MYH11: variants seen among roughly 807,000 people sequenced by gnomAD.
The protein encoded by MYH11 is myosin heavy chain 11.
A neutral mutation model predicts 246.6 loss-of-function variants in MYH11; 80 were observed. That is an observed-to-expected ratio of 0.32 (90% CI 0.27 to 0.39). The LOEUF (loss-of-function observed/expected upper bound fraction) is 0.39, where lower values mean the gene tolerates loss of function less well. Among genes scored for constraint, MYH11 ranks in the 10% least tolerant of loss-of-function variants. The probability of loss-of-function intolerance (pLI) is 1.00; values close to 1 mark genes in which losing one functional copy is unlikely to be tolerated. For synonymous variants in MYH11, 1,071 were observed against 1,015.5 expected (o/e 1.05, Z -1.04); for missense variants, 2,158 against 2,546.8 (o/e 0.85, Z 3.29).
chr16:15,844,999 C>T (rs1179787455), intron 1 of MYH11, among the ~76,000 whole-genome samples: 1 of 152,166 alleles, frequency 6.6e-6, no homozygotes, highest in Non-Finnish European at 1.5e-5. Flanking sequence ...GGTAAGATAA[C>T]CTGTAGTCAT....
intron 16 of MYH11, chr16:15,749,354 C>T (rs2041504390): frequency 6.6e-6 from 1 of 152,170 alleles, no homozygotes; most frequent in Non-Finnish European, 1.5e-5. Flanking sequence ...CACTTCTCAC[C>T]TCCACACTCT....
chr16:15,842,133 T>C lies in MYH11; in HGVS notation c.-17-3864A>G, dbSNP rs2044068603. ...TGGGTGCAGTGGCTCATGCCTGTAA[T>C]CCCAGCACTTTGGGAGGCCAAGGCC... On this transcript the variant is annotated intron_variant, in intron 1 of 40. Coordinates refer to ENST00000300036, the MANE Select transcript of MYH11 (RefSeq NM_002474.3). Among the ~76,000 whole-genome samples the C allele has an allele frequency of 3.3e-5, 5 of 152,200 alleles. No homozygotes were observed. The South Asian group carries it at 1.0e-3, about 31-fold the overall frequency.
intron 33 of MYH11, 102 bp from the exon 34 acceptor site, chr16:15,720,414 C>CT: frequency 6.8e-7 from 1 of 1,464,182 alleles, no homozygotes; most frequent in Non-Finnish European, 9.3e-7. Context: ...GCACAGCCCC[C>CT]TTGTGAGGTG....
rs1287129084 is a variant in MYH11 at position 15,717,226 on chromosome 16, C to T, written c.5418G>A (p.Gly1806=). Residue 1806 remains glycine (G), a synonymous_variant, in exon 38 of 41, where the codon GGG becomes GGA. Transcript: ENST00000300036. ...ELRSKLHEME[G]AVKSKFKSTI... is the part of the protein sequence containing the mutation. ...TGGACTTGAACTTGGACTTGACGGC[C>T]CCCTCCATCTCGTGGAGCTTGCTCC... is the stretch of plus-strand genomic sequence containing the variant. The T allele has an allele frequency of 6.2e-7, 1 of 1,614,202 alleles. No individual in the cohort carries two copies.
chr16:15,732,372 T>G, intron 27 of MYH11, 192 bp downstream of exon 27: 1 of 805,726 alleles, frequency 1.2e-6, no homozygotes, highest in African/African-American at 1.7e-5. Context: ...AGTACTGGGA[T>G]TACAGGCGTG....
chr16:15,763,741 T>TCGGCGCCC, intron 10 of MYH11, 55 bp downstream of exon 10: 1 of 646,862 alleles, frequency 1.5e-6, no homozygotes, highest in Non-Finnish European at 2.9e-6. Context: ...AAATGTCACC[T>TCGGCGCCC]CCCCCACCCC....
intron 2 of MYH11, among the ~76,000 whole-genome samples, chr16:15,834,661 G>C (rs2043844047): frequency 2.0e-5 from 3 of 152,128 alleles, no homozygotes; most frequent in African/African-American, 7.2e-5. Context: ...GATACATTTT[G>C]CAACACTGCA....
chr16:15,785,008 ATTTTTT>A (rs398028825), intron 5 of MYH11: 22 of 97,946 alleles, frequency 2.2e-4, no homozygotes, highest in African/African-American at 5.0e-4. Context: ...AATTCTCTTG[ATTTTTT>A]TTTTTTTTTT....
At chr16:15,778,134 G>GT (rs1163251247) in intron 7 of MYH11, among the ~76,000 whole-genome samples, 1 of 152,180 alleles carries the variant, frequency 6.6e-6, no homozygotes, top group Non-Finnish European at 1.5e-5. Context: ...AGACCTGGTT[G>GT]TTCCCCCACG....
intron 7 of MYH11, among the ~76,000 whole-genome samples, chr16:15,778,351 G>GTGAA (rs1167013414): frequency 5.9e-5 from 9 of 152,348 alleles, no homozygotes; most frequent in African/African-American, 2.2e-4. Context: ...TAAGGATGAA[G>GTGAA]TGAAGATCAT....
At chr16:15,760,874 G>A (rs977135646) in intron 10 of MYH11, among the ~76,000 whole-genome samples, 1 of 152,174 alleles carries the variant, frequency 6.6e-6, no homozygotes, top group African/African-American at 2.4e-5. Context: ...ATTGGGGTGG[G>A]CTGAAGCAGG....
Position 15,805,014 on chromosome 16 carries a change from C to T in MYH11, c.503-6327G>A, listed in dbSNP as rs2042977329. ...GAGTACCTTTTCAATTCTTCGGGTA[C>T]ATACCCTAATCTGTATCTGAAACAT... On this transcript the variant is annotated intron_variant, in intron 3 of 40. Coordinates refer to ENST00000300036, the MANE Select transcript of MYH11 (RefSeq NM_002474.3). 3.3e-5 allele frequency among the ~76,000 whole-genome samples: 5 copies of T among 152,182 alleles called. No individual in the cohort carries two copies. The South Asian group carries it at 1.0e-3, about 31-fold the overall frequency.
intron 28 of MYH11, chr16:15,725,268 T>C: frequency 1.7e-6 from 1 of 590,110 alleles, no homozygotes; most frequent in Non-Finnish European, 3.0e-6. Flanking sequence ...CCAATGGTAT[T>C]GACTGGGACC....
intron 3 of MYH11, among the ~76,000 whole-genome samples, chr16:15,799,353 A>T (rs572753840): frequency 6.6e-6 from 1 of 152,216 alleles, no homozygotes; most frequent in South Asian, 2.1e-4. Flanking sequence ...CAGCAGGTGG[A>T]CAGAGCCCTG....
In MYH11 at chr16:15,721,521, T is replaced by C. The variant is rs755712100; in HGVS notation, c.4479A>G (p.Glu1493=). ...GTTCCTCTTTGGCTTCCAAGGCCTC[T>C]TCAAGGGCCCGAGCCAGGGACAGGG... ...TKALSLARAL[E]EALEAKEELE... is the part of the protein sequence containing the mutation. Residue 1493 remains glutamate (E), a synonymous_variant, in exon 32 of 41, where the codon GAA becomes GAG. Transcript: ENST00000300036. The C allele has an allele frequency of 1.2e-6, 2 of 1,614,226 alleles. No individual in the cohort carries two copies. Among genetic ancestry groups the C allele is most frequent in the Non-Finnish European group, 1.7e-6 (2 of 1,180,046 alleles).
intron 40 of MYH11, among the ~76,000 whole-genome samples, chr16:15,705,395 G>T (rs1193454464): frequency 6.6e-6 from 1 of 152,186 alleles, no homozygotes; most frequent in East Asian, 1.9e-4. Context: ...TCACAGGAAG[G>T]GCTGGTCACG....
At chr16:15,820,158 C>T (rs973060860) in intron 3 of MYH11, among the ~76,000 whole-genome samples, 1 of 152,144 alleles carries the variant, frequency 6.6e-6, no homozygotes, top group Admixed American at 6.5e-5. Context: ...GTCTGACCAA[C>T]ATGGTAAAGC....
intron 2 of MYH11, among the ~76,000 whole-genome samples, chr16:15,825,327 T>C (rs965168599): frequency 6.6e-6 from 1 of 150,716 alleles, no homozygotes; most frequent in African/African-American, 2.5e-5. Flanking sequence ...GGTGGGAGGA[T>C]TGCTTCAGGC....
chr16:15,776,304 T>A, intron 7 of MYH11, 128 bp from the exon 8 acceptor site: 1 of 730,016 alleles, frequency 1.4e-6, no homozygotes, highest in Non-Finnish European at 2.5e-6. Context: ...CGGTAATGTC[T>A]AACTTTGACC....
Sources: allele counts gnomAD v4.1 joint callset (sites outside exome capture counted in the v4.1 genomes callset), GRCh38; gene constraint gnomAD v4.1.1; transcripts MANE v1.5; gene names NCBI Gene and HGNC (gene_info 2026-07-23, HGNC 2026-07-21).